Variants in APPL1 observed in about 807,000 individuals in gnomAD.
APPL1 encodes DCC-interacting protein 13-alpha.
In APPL1, 42 loss-of-function variants were observed where a neutral mutation model predicts 106.8. The ratio of observed to expected loss-of-function variants is 0.39; its 90% CI spans 0.31 to 0.51. APPL1 has a LOEUF of 0.51. Among genes scored for constraint, APPL1 ranks in the 20% least tolerant of loss-of-function variants. The pLI is 0.75. For missense variants in APPL1, 769 were observed against 858.2 expected, an observed-to-expected ratio of 0.90 and a Z score of 1.30; for synonymous variants, 263 against 281.8, an observed-to-expected ratio of 0.93 and a Z score of 0.67.
chr3:57,259,301 T>C (rs1019761449), intron 16 of APPL1, among the ~76,000 whole-genome samples: 2 of 152,258 alleles, frequency 1.3e-5, no homozygotes, highest in Admixed American at 6.5e-5. Context: ...CTTTTGACTT[T>C]ATAGTCAAAT....
Position 57,235,684 on chromosome 3 carries a change from CTT to C in APPL1, c.153+21_153+22del. ...GCACAGGTAAAACACTAAGGACTAA[CTT>C]GATGCTTTTAAAACACGAATCTTTA... is the stretch of plus-strand genomic sequence containing the variant. On this transcript the variant is annotated intron_variant, in intron 2 of 21. Transcript: ENST00000288266. The C allele has an allele frequency of 6.4e-7, 1 of 1,563,808 alleles. No individual in the cohort carries two copies.
rs202233713 is a variant in APPL1, at chr3:57,253,665, A to G, written c.1096-17A>G. ...TGTAGAAAAAAAATTATATTTTTCT[A>G]TTTTTTCCTCTTGCAGTGGATCTGT... is the stretch of plus-strand genomic sequence containing the variant. On this transcript the variant is annotated splice_polypyrimidine_tract_variant and intron_variant, in intron 12 of 21. Transcript: ENST00000288266. The G allele has an allele frequency of 8.0e-5, 113 of 1,412,514 alleles. No homozygotes were observed. Among genetic ancestry groups the G allele is most frequent in the Non-Finnish European group, 9.6e-5 (103 of 1,075,810 alleles). 87.5% of individuals were successfully genotyped at this position (1,412,514 alleles called of 1,614,324 possible). A position where few individuals can be genotyped will look rare whatever the true frequency, so the allele number is the denominator to read the frequency against.
chr3:57,235,928 C>G (rs1415430800), intron 2 of APPL1, among the ~76,000 whole-genome samples: 1 of 152,200 alleles, frequency 6.6e-6, no homozygotes, highest in Non-Finnish European at 1.5e-5. Flanking sequence ...GGGGAACCCC[C>G]CATTAAACTC....
At chr3:57,248,650 A>G (rs961665130) in intron 10 of APPL1, among the ~76,000 whole-genome samples, 1 of 152,186 alleles carries the variant, frequency 6.6e-6, no homozygotes, top group African/African-American at 2.4e-5. Flanking sequence ...CGGGCGGATC[A>G]CCTGAGGTCA....
intron 11 of APPL1, 102 bp from the exon 12 acceptor site, chr3:57,252,166 AT>A: frequency 2.1e-6 from 2 of 938,804 alleles, no homozygotes; most frequent in Admixed American, 2.7e-5. Context: ...TTTAATATCG[AT>A]TTTTATATAT....
intron 18 of APPL1, 35 bp downstream of exon 18, chr3:57,260,188 C>G: frequency 6.3e-7 from 1 of 1,584,714 alleles, no homozygotes. Context: ...TGTTTTAGGT[C>G]CCTTTGTATA....
At chr3:57,229,402 G>A (rs942532546) in intron 1 of APPL1, among the ~76,000 whole-genome samples, 7 of 151,896 alleles carry the variant, frequency 4.6e-5, no homozygotes, top group African/African-American at 1.5e-4. Flanking sequence ...TGACTTGTGA[G>A]GCAGAGATAA....
chr3:57,234,795 A>G (rs1273379684), intron 1 of APPL1, among the ~76,000 whole-genome samples: 1 of 151,910 alleles, frequency 6.6e-6, no homozygotes, highest in Non-Finnish European at 1.5e-5. Context: ...AGCTGTGACT[A>G]CAGGCACGTG....
At position 57,269,608 on chromosome 3, in the gene APPL1, A is replaced by G; in HGVS notation, c.2051A>G (p.Gln684Arg). 6.2e-7 allele frequency: 1 copy of G among 1,614,120 alleles called. No homozygotes were observed. The highest frequency in any genetic ancestry group is 1.3e-5 in the African/African-American group (1 of 75,054). ...CCAAACCAAGCCAGTAGTGAGGGGC[A>G]GTTTGTTGTCCTTAGCAGTAGCCAG... Reference protein sequence around the residue: ...SRPNQASSEGQFVVLSSSQSE... With the variant: ...SRPNQASSEGRFVVLSSSQSE... Residue 684 changes from glutamine (Q) to arginine (R), a missense_variant, in exon 22 of 22, where the codon CAG becomes CGG. Coordinates refer to ENST00000288266, the MANE Select transcript of APPL1 (RefSeq NM_012096.3).
chr3:57,252,123 A>C (rs992523874), intron 11 of APPL1, 146 bp from the exon 12 acceptor site: 1 of 672,266 alleles, frequency 1.5e-6, no homozygotes, highest in East Asian at 2.8e-5. Flanking sequence ...TCCTTTTCCT[A>C]AGATACCGTT....
rs2060819307 is a variant in APPL1, at chr3:57,253,863, T to G, written c.1152+125T>G. The stretch of plus-strand genomic sequence containing the variant: ...TTTAATTTGACCTTGAATGAGTAGC[T>G]TTTTTTTTTTTTTTTTTGAGACAGA... On this transcript the variant is annotated intron_variant, in intron 13 of 21. Coordinates refer to ENST00000288266, the MANE Select transcript of APPL1 (RefSeq NM_012096.3). 4 of 163,152 alleles carry G rather than the reference T, an allele frequency of 2.5e-5. No individual in the cohort carries two copies. The South Asian group carries it at 6.3e-4, about 26-fold the overall frequency. The allele number at this position is 163,152 out of a possible 1,614,324, so 10.1% of individuals were successfully genotyped here.
At chr3:57,262,245 T>A (rs1252384754) in intron 19 of APPL1, among the ~76,000 whole-genome samples, 3 of 152,028 alleles carry the variant, frequency 2.0e-5, no homozygotes, top group East Asian at 1.9e-4. Context: ...ATGCAGACAC[T>A]TTTTAGTTTA....
intron 12 of APPL1, among the ~76,000 whole-genome samples, chr3:57,253,366 T>G (rs1001326901): frequency 5.9e-5 from 9 of 152,102 alleles, no homozygotes; most frequent in African/African-American, 9.7e-5. Flanking sequence ...GCTATATTTT[T>G]TATTGCCTTA....
intron 7 of APPL1, among the ~76,000 whole-genome samples, chr3:57,244,891 G>C (rs891508878): frequency 1.3e-5 from 2 of 152,178 alleles, no homozygotes; most frequent in African/African-American, 4.8e-5. Flanking sequence ...GGAGAGGAAG[G>C]AGTACTTTTG....
intron 16 of APPL1, 66 bp from the exon 17 acceptor site, chr3:57,259,779 G>A (rs1179862334): frequency 2.7e-5 from 35 of 1,300,134 alleles, no homozygotes; most frequent in South Asian, 3.5e-5. Context: ...GAAATATGGC[G>A]AAAAAAATAA....
intron 19 of APPL1, among the ~76,000 whole-genome samples, chr3:57,263,658 T>C (rs1472287982): frequency 6.8e-6 from 1 of 147,392 alleles, no homozygotes; most frequent in Non-Finnish European, 1.5e-5. Flanking sequence ...ATCCATTTTC[T>C]TTATCCATGT....
chr3:57,256,967 C>G lies in APPL1; in HGVS notation c.1163C>G (p.Ala388Gly). ...YLSENPEETA[A>G]RVNQSALEAV... ...AAAAAATTGAAATAGGAAACTGCTG[C>G]ACGAGTAAATCAATCAGCTCTGGAA... The change falls in exon 14 of 22, where the codon GCA becomes GGA. Residue 388 changes from alanine (A) to glycine (G), a missense_variant. Coordinates refer to ENST00000288266, the MANE Select transcript of APPL1 (RefSeq NM_012096.3). 6.2e-7 allele frequency: 1 copy of G among 1,614,032 alleles called. No homozygotes were observed. Among genetic ancestry groups the G allele is most frequent in the Non-Finnish European group, 8.5e-7 (1 of 1,179,940 alleles).
At position 57,267,857 on chromosome 3, in the gene APPL1, C is replaced by T. The variant is rs146167621; in HGVS notation, c.1893+65C>T. 4.9e-4 allele frequency: 753 copies of T among 1,544,780 alleles called. 6 individuals carry two copies. In the African/African-American group the frequency reaches 9.1e-3, roughly 19 times the overall value. On this transcript the variant is annotated intron_variant, in intron 20 of 21. Transcript: ENST00000288266. ...CTGTAATCGCAGCACATTGGGAGGC[C>T]GAGGCGGGCAGATGACTTGAGGTCA...
intron 11 of APPL1, among the ~76,000 whole-genome samples, chr3:57,252,063 T>C (rs1345957111): frequency 1.3e-5 from 2 of 152,206 alleles, no homozygotes; most frequent in Admixed American, 1.3e-4. Flanking sequence ...TTGGCATAGA[T>C]AGTCAAAGTC....
Sources: gnomAD v4.1 joint callset for allele counts (sites outside exome capture counted in the v4.1 genomes callset) on GRCh38, gnomAD v4.1.1 for gene constraint, MANE v1.5 for transcripts, NCBI Gene and HGNC (gene_info 2026-07-23, HGNC 2026-07-21) for gene names.